Variants in TAOK2 observed in about 807,000 individuals in gnomAD.
TAOK2 encodes serine/threonine-protein kinase TAO2.
Under a neutral mutation model 122.5 loss-of-function variants are expected in TAOK2, and 42 were observed. The ratio of observed to expected loss-of-function variants is 0.34; its 90% CI spans 0.27 to 0.44. The LOEUF (loss-of-function observed/expected upper bound fraction) is 0.44. Among genes scored for constraint, TAOK2 ranks in the 20% least tolerant of loss-of-function variants. The pLI is 1.00. For synonymous variants in TAOK2, 704 were observed against 677.6 expected (o/e 1.04, Z -0.61); for missense variants, 1,264 against 1,644.9 (o/e 0.77, Z 4.01).
intron 8 of TAOK2, chr16:29,981,361 G>T: frequency 3.4e-6 from 2 of 582,448 alleles, no homozygotes; most frequent in South Asian, 2.2e-5. Context: ...GCTCCCTTTG[G>T]CACCTAAGAA....
intron 4 of TAOK2, 86 bp from the exon 5 acceptor site, chr16:29,978,713 T>C (rs1482850837): frequency 1.3e-6 from 2 of 1,508,766 alleles, no homozygotes; most frequent in Non-Finnish European, 9.2e-7. Context: ...CCCGGGGACA[T>C]AGCTTGAGTA....
At position 29,981,913 on chromosome 16, in the gene TAOK2, C is replaced by T. The variant is rs1365079194; in HGVS notation, c.804C>T (p.Asp268=). 1 of 1,613,322 alleles carries T rather than the reference C, an allele frequency of 6.2e-7. No individual in the cohort carries two copies. The highest frequency in any genetic ancestry group is 8.5e-7 in the Non-Finnish European group (1 of 1,179,632). Residue 268 remains aspartate (D), a synonymous_variant, in exon 10 of 16, where the codon GAC becomes GAT. Transcript: ENST00000308893. The part of the protein sequence containing the change: ...VDSCLQKIPQ[D]RPTSEVLLKH... ...CCTGTCTTCAGAAAATCCCTCAAGA[C>T]AGACCAACCTCAGAGGTTCTCCTGA... is the stretch of plus-strand genomic sequence containing the variant.
downstream of TAOK2, chr16:29,988,818 A>G (rs2069896158): frequency 1.0e-6 from 1 of 985,312 alleles, no homozygotes; most frequent in Middle Eastern, 5.2e-4. Context: ...GCTGGGGGCA[A>G]CCAGGCGGAG....
At chr16:29,981,278 T>C (rs1248382552) in intron 8 of TAOK2, 1 of 515,806 alleles carries the variant, frequency 1.9e-6, no homozygotes, top group African/African-American at 1.9e-5. Context: ...TTTAATCTTT[T>C]AGACTGGAGG....
rs772877395 is a variant in TAOK2 at position 29,987,311 on chromosome 16, C to T, written c.3039C>T (p.Pro1013=). 2.6e-6 allele frequency: 4 copies of T among 1,525,948 alleles called. No homozygotes were observed. The highest frequency in any genetic ancestry group is 3.5e-6 in the Non-Finnish European group (4 of 1,139,374). The allele number at this position is 1,525,948 out of a possible 1,614,324, so 94.5% of individuals were successfully genotyped here. The part of the protein sequence containing the change: ...YLLLCTALHL[P]SSLFLLLAQG... ...TCCTTTGTACAGCCCTGCACCTGCC[C>T]TCCAGTCTTTTCCTACTCCTGGCCC... Residue 1013 remains proline, a synonymous_variant, in exon 16 of 16, where the codon CCC becomes CCT. Coordinates refer to ENST00000308893, the MANE Select transcript of TAOK2 (RefSeq NM_016151.4).
Position 29,988,205 on chromosome 16 carries a change from G to T in TAOK2, c.*225G>T, listed in dbSNP as rs1355920022. 23 of 1,433,158 alleles carry T rather than the reference G, an allele frequency of 1.6e-5. No homozygotes were observed. The highest frequency in any genetic ancestry group is 2.1e-5 in the Non-Finnish European group (23 of 1,099,168). 88.8% of individuals were successfully genotyped at this position (1,433,158 alleles called of 1,614,324 possible). A position where few individuals can be genotyped will look rare whatever the true frequency, so the allele number is the denominator to read the frequency against. On this transcript the variant is annotated 3_prime_UTR_variant, in exon 16 of 16. Transcript: ENST00000308893. ...GGCGCTCCTCCCCTAAGTTATTGCT[G>T]TTCGCCCGCTGTGTGTGCTCATCCT...
intron 5 of TAOK2, 35 bp from the exon 6 acceptor site, chr16:29,978,939 G>T: frequency 3.1e-6 from 5 of 1,613,532 alleles, no homozygotes; most frequent in South Asian, 1.1e-5. Flanking sequence ...CCACCCTTGC[G>T]CTCCCTCGGG....
chr16:29,976,041 G>A (rs1432891121), intron 1 of TAOK2, among the ~76,000 whole-genome samples: 2 of 152,176 alleles, frequency 1.3e-5, no homozygotes, highest in Non-Finnish European at 2.9e-5. Context: ...TTATGATTTA[G>A]CACAGACCTT....
downstream of TAOK2, chr16:29,989,161 G>C (rs987030475): frequency 1.0e-6 from 1 of 985,060 alleles, no homozygotes; most frequent in Admixed American, 6.2e-5. Flanking sequence ...TCTCGTGCAC[G>C]TTCTCATATT....
At position 29,983,609 on chromosome 16, in the gene TAOK2, G is replaced by A. The variant is rs771711319; in HGVS notation, c.1367G>A (p.Arg456His). 37 of 1,613,548 alleles carry A rather than the reference G, an allele frequency of 2.3e-5. No homozygotes were observed. Among genetic ancestry groups the A allele is most frequent in the Middle Eastern group, 1.7e-4 (1 of 6,060 alleles). The change falls in exon 13 of 16, where the codon CGC becomes CAC. Residue 456 changes from arginine to histidine, a missense_variant. By Grantham distance (29) the Arg-to-His change is conservative (BLOSUM62 0). Coordinates refer to ENST00000308893, the MANE Select transcript of TAOK2 (RefSeq NM_016151.4). Reference sequence around the variant, plus strand: ...ACTTCCACCACCTCTTCCGCCCGCCGCCGGGCCTACTGCCGTAACCGAGAC... The same window carrying A: ...ACTTCCACCACCTCTTCCGCCCGCCACCGGGCCTACTGCCGTAACCGAGAC... ...APTSTTSSAR[R>H]RAYCRNRDHF...
intron 10 of TAOK2, 67 bp downstream of exon 10, chr16:29,982,007 G>A: frequency 1.5e-6 from 2 of 1,363,854 alleles, no homozygotes; most frequent in Non-Finnish European, 2.1e-6. Context: ...AACCCCCAGG[G>A]AAATTAGTGG....
chr16:29,989,009 T>G (rs11150579), downstream of TAOK2: 430,566 of 985,106 alleles, frequency 0.44, 96,629 homozygotes, highest in South Asian at 0.51. Context: ...GGGCAGCCCC[T>G]TCTTACCCAT....
downstream of TAOK2, chr16:29,990,089 T>G (rs1032605177): frequency 4.5e-5 from 17 of 374,926 alleles, no homozygotes; most frequent in East Asian, 5.0e-4. Flanking sequence ...GGGCCTGAGT[T>G]AGTTTAATGG....
chr16:29,983,741 C>T (rs1330018479), intron 13 of TAOK2, 77 bp downstream of exon 13: 1 of 1,537,846 alleles, frequency 6.5e-7, no homozygotes, highest in Admixed American at 1.8e-5. Context: ...TGATTTCCTC[C>T]CTGTGGCATG....
Position 29,987,297 on chromosome 16 carries a change from G to T in TAOK2, c.3025G>T (p.Ala1009Ser). 6.5e-7 allele frequency: 1 copy of T among 1,527,380 alleles called. No individual in the cohort carries two copies. Among genetic ancestry groups the T allele is most frequent in the Non-Finnish European group, 8.8e-7 (1 of 1,140,328 alleles). The allele number at this position is 1,527,380 out of a possible 1,614,324, so 94.6% of individuals were successfully genotyped here. Residue 1009 changes from alanine (A) to serine (S), a missense_variant, in exon 16 of 16, where the codon GCC (alanine) becomes TCC (serine). Around this residue, in one of 4 missense-constraint regions of TAOK2, gnomAD observed 824 missense variants for 908.7 expected, o/e 0.91. Transcript: ENST00000308893. Reference sequence around the variant, plus strand: ...GGCCTCCTACCTGCTCCTTTGTACAGCCCTGCACCTGCCCTCCAGTCTTTT... The same window carrying T: ...GGCCTCCTACCTGCTCCTTTGTACATCCCTGCACCTGCCCTCCAGTCTTTT... ...LGASYLLLCT[A>S]LHLPSSLFLL...
At chr16:29,989,415 A>C (rs1248680819), downstream of TAOK2, 198 of 914,756 alleles carry the variant, frequency 2.2e-4, no homozygotes, top group African/African-American at 1.5e-3. Flanking sequence ...AGCTCCCCCC[A>C]CCCCCTCTGT....
In TAOK2 at chr16:29,987,574, A is replaced by AGGGCTGTG. The variant is rs777383420; in HGVS notation, c.3314_3321dup (p.Asp1108LeufsTer40). ...TCACCCATGGCCTTCCGGGCCCTGC[A>AGGGCTGTG]GGGCTGTGGGGCTGTGGGGGACCGG... On this transcript the variant is annotated frameshift_variant, in exon 16 of 16. Transcript: ENST00000308893. LOFTEE classifies it high-confidence loss of function. 6.2e-7 allele frequency: 1 copy of AGGGCTGTG among 1,612,566 alleles called. No individual in the cohort carries two copies. The highest frequency in any genetic ancestry group is 8.5e-7 in the Non-Finnish European group (1 of 1,179,134).
chr16:29,979,453 G>T lies in TAOK2; in HGVS notation c.600G>T (p.Gly200=), dbSNP rs1276268414. The T allele has an allele frequency of 6.3e-7, 1 of 1,579,176 alleles. No homozygotes were observed. Among genetic ancestry groups the T allele is most frequent in the South Asian group, 1.2e-5 (1 of 85,782 alleles). ...AGGTGATCCTGGCCATGGATGAGGG[G>T]CAGTACGATGGCAAAGTGGACGTCT... The part of the protein sequence containing the change: ...APEVILAMDE[G]QYDGKVDVWS... Residue 200 remains glycine (G), a synonymous_variant, in exon 8 of 16, where the codon GGG becomes GGT. Coordinates refer to ENST00000308893, the MANE Select transcript of TAOK2 (RefSeq NM_016151.4). This position sits in a 1 kb window ranked among gnomAD's most constrained non-coding sequence, Gnocchi z 4.1.
intron 10 of TAOK2, among the ~76,000 whole-genome samples, chr16:29,982,149 C>T (rs1596603888): frequency 2.0e-5 from 3 of 152,154 alleles, no homozygotes; most frequent in South Asian, 2.1e-4. Context: ...AACTGTTTTC[C>T]CTTCTTTTAT....
Sources: allele counts gnomAD v4.1 joint callset (sites outside exome capture counted in the v4.1 genomes callset), GRCh38; gene constraint gnomAD v4.1.1; regional missense constraint gnomAD v4.1.1; non-coding constraint Gnocchi (gnomAD v3.1); transcripts MANE v1.5; gene names NCBI Gene and HGNC (gene_info 2026-07-23, HGNC 2026-07-21).